DENND1B: variants seen among roughly 807,000 people sequenced by gnomAD.
The protein encoded by DENND1B is DENN domain-containing protein 1B.
DENND1B carries 59 observed loss-of-function variants against 90.1 expected under a neutral mutation model. That is an observed-to-expected ratio of 0.65 (90% CI 0.53 to 0.81). The LOEUF is 0.81. Among genes scored for constraint, DENND1B ranks in the 40% least tolerant of loss-of-function variants. The probability of loss-of-function intolerance (pLI) is 0.00; values close to 1 mark genes in which losing one functional copy is unlikely to be tolerated. For synonymous variants in DENND1B, 337 were observed against 324.6 expected (o/e 1.04, Z -0.41); for missense variants, 862 against 912.6 (o/e 0.94, Z 0.71).
chr1:197,773,141 CA>C, intron 1 of DENND1B: 2 of 556,072 alleles, frequency 3.6e-6, no homozygotes, highest in Non-Finnish European at 6.4e-6. Context: ...AAACTTGGGG[CA>C]AAGCATTTAA....
chr1:197,607,650 T>C (rs1676811838), intron 12 of DENND1B, among the ~76,000 whole-genome samples: 1 of 150,672 alleles, frequency 6.6e-6, no homozygotes, highest in Non-Finnish European at 1.5e-5. Flanking sequence ...AAGGTATATG[T>C]TGGTGATGAG....
At chr1:197,597,044 A>C (rs1038368813) in intron 13 of DENND1B, among the ~76,000 whole-genome samples, 3 of 151,910 alleles carry the variant, frequency 2.0e-5, no homozygotes, top group East Asian at 1.9e-4. Context: ...TGATCTTTTC[A>C]ATTTATATCC....
rs1252829797 is a variant in DENND1B at position 197,707,670 on chromosome 1, TATA to T, written c.126+7358_126+7360del. On this transcript the variant is annotated intron_variant, in intron 3 of 22. Coordinates refer to ENST00000620048, the MANE Select transcript of DENND1B (RefSeq NM_001195215.2). ...ATACATATATTATATACATATATAA[TATA>T]ATAATATAATATAATATAATATAAT... Among the ~76,000 whole-genome samples the T allele has an allele frequency of 5.5e-5, 8 of 145,066 alleles. No homozygotes were observed. In the East Asian group the frequency reaches 1.2e-3, roughly 22 times the overall value.
rs539967203 is a variant in DENND1B at position 197,727,491 on chromosome 1, C to T, written c.83-12417G>A. Among the ~76,000 whole-genome samples, 170 of 150,258 alleles carry T rather than the reference C, an allele frequency of 1.1e-3. 2 individuals carry two copies. Among genetic ancestry groups the T allele is most frequent in the African/African-American group, 3.2e-4 (13 of 40,856 alleles). ...CGGAGCTTGCAGTGAGCCAAGATCGCGCCACTGCACTCCAGCCTGGGAGAC... is the reference window on the plus strand; with the variant it reads ...CGGAGCTTGCAGTGAGCCAAGATCGTGCCACTGCACTCCAGCCTGGGAGAC... On this transcript the variant is annotated intron_variant, in intron 2 of 22. Transcript: ENST00000620048.
chr1:197,681,739 T>A (rs770853379), intron 3 of DENND1B, among the ~76,000 whole-genome samples: 9 of 152,160 alleles, frequency 5.9e-5, no homozygotes, highest in Non-Finnish European at 1.0e-4. Flanking sequence ...GTCTCTATTT[T>A]ACATTTCTCC....
At position 197,765,736 on chromosome 1, in the gene DENND1B, G is replaced by A. The variant is rs58006953; in HGVS notation, c.82+7132C>T. 0.016 allele frequency among the ~76,000 whole-genome samples: 2,424 copies of A among 152,190 alleles called. 248 individuals are homozygous for A. In the East Asian group the frequency reaches 0.29, roughly 19 times the overall value. ...CAAGCAGCCTCTGACATTTTACAGT[G>A]GAAATCATGAACATCAAAAACCAAG... On this transcript the variant is annotated intron_variant, in intron 2 of 22. Transcript: ENST00000620048.
intron 5 of DENND1B, among the ~76,000 whole-genome samples, chr1:197,666,483 T>C (rs1654944756): frequency 1.3e-5 from 2 of 152,230 alleles, no homozygotes; most frequent in Admixed American, 6.5e-5. Flanking sequence ...AAGTTTTCTA[T>C]AGCAAATAAA....
rs1332333753 is a variant in DENND1B at position 197,512,922 on chromosome 1, T to C, written c.1547A>G (p.Asp516Gly). ...ATCTTCATCATCATATAGAGCACCA[T>C]CAAGGCTCTTAAGAGGCCTTTTTAA... The part of the protein sequence containing the change: ...ARLKRPLKSL[D>G]GALYDDEDDD... Residue 516 changes from aspartate (D) to glycine (G), a missense_variant, in exon 21 of 23, where the codon GAT becomes GGT. Coordinates refer to ENST00000620048, the MANE Select transcript of DENND1B (RefSeq NM_001195215.2). The C allele has an allele frequency of 1.2e-6, 2 of 1,610,482 alleles. No homozygotes were observed.
At chr1:197,648,076 C>A (rs1382237036) in intron 7 of DENND1B, among the ~76,000 whole-genome samples, 1 of 151,702 alleles carries the variant, frequency 6.6e-6, no homozygotes, top group Non-Finnish European at 1.5e-5. Flanking sequence ...AGGAACAGAA[C>A]ACAGCCACTC....
At chr1:197,599,700 A>C (rs555678406) in intron 13 of DENND1B, among the ~76,000 whole-genome samples, 2 of 151,964 alleles carry the variant, frequency 1.3e-5, no homozygotes, top group East Asian at 3.9e-4. Flanking sequence ...CTTCTCTCTT[A>C]ATAATTTTCT....
chr1:197,618,548 T>C (rs1304293430), intron 10 of DENND1B, among the ~76,000 whole-genome samples: 1 of 151,238 alleles, frequency 6.6e-6, no homozygotes, highest in Non-Finnish European at 1.5e-5. Flanking sequence ...AAACATTTTT[T>C]AGTACTTAAC....
intron 5 of DENND1B, among the ~76,000 whole-genome samples, chr1:197,660,954 G>A (rs941013735): frequency 2.0e-5 from 3 of 152,008 alleles, no homozygotes; most frequent in Non-Finnish European, 4.4e-5. Context: ...CAAAGGCCTC[G>A]AGAGCAACCA....
chr1:197,638,657 AC>A (rs533495512), intron 10 of DENND1B, among the ~76,000 whole-genome samples: 1 of 152,120 alleles, frequency 6.6e-6, no homozygotes, highest in African/African-American at 2.4e-5. Flanking sequence ...GTCAACTGAT[AC>A]CCCCTTGTAA....
At chr1:197,601,076 A>G (rs1245663260) in intron 13 of DENND1B, among the ~76,000 whole-genome samples, 1 of 151,610 alleles carries the variant, frequency 6.6e-6, no homozygotes, top group Admixed American at 6.6e-5. Flanking sequence ...ATTCTCTCCA[A>G]CTGCACCCTG....
intron 11 of DENND1B, among the ~76,000 whole-genome samples, chr1:197,615,163 T>C (rs905770944): frequency 1.3e-5 from 2 of 151,144 alleles, no homozygotes; most frequent in African/African-American, 4.8e-5. Flanking sequence ...TAAGTATGTG[T>C]GTATTTCTTG....
chr1:197,726,305 C>T (rs1265108262), intron 2 of DENND1B, among the ~76,000 whole-genome samples: 1 of 152,170 alleles, frequency 6.6e-6, no homozygotes, highest in South Asian at 2.1e-4. Context: ...AGTTCTAGAT[C>T]TGCAGAACTT....
chr1:197,526,743 A>T (rs952872813), intron 20 of DENND1B, among the ~76,000 whole-genome samples: 5 of 152,186 alleles, frequency 3.3e-5, no homozygotes, highest in Non-Finnish European at 7.4e-5. Flanking sequence ...ATTGTTCAGC[A>T]GAGCTAAACA....
intron 15 of DENND1B, 127 bp from the exon 16 acceptor site, chr1:197,553,239 A>G: frequency 4.3e-6 from 3 of 705,416 alleles, no homozygotes; most frequent in Non-Finnish European, 6.5e-6. Context: ...TCTTGTATAA[A>G]TTACACATAT....
chr1:197,555,170 T>C (rs1553285349), intron 15 of DENND1B, among the ~76,000 whole-genome samples: 1 of 151,632 alleles, frequency 6.6e-6, no homozygotes, highest in Non-Finnish European at 1.5e-5. Context: ...CAAGATATAT[T>C]AAAAAAAATT....
Sources: allele counts gnomAD v4.1 joint callset (sites outside exome capture counted in the v4.1 genomes callset), GRCh38; gene constraint gnomAD v4.1.1; transcripts MANE v1.5; gene names NCBI Gene and HGNC (gene_info 2026-07-23, HGNC 2026-07-21).